WDR27: variants seen among roughly 807,000 people sequenced by gnomAD.
WDR27 encodes the protein WD repeat domain 27.
In WDR27, 100 loss-of-function variants were observed where a neutral mutation model predicts 114.4. That is an observed-to-expected ratio of 0.87 (90% CI 0.74 to 1.03). The LOEUF is 1.03. WDR27 is among the 50% of genes least tolerant of loss of function. The probability of loss-of-function intolerance (pLI) is 0.00; values close to 1 mark genes in which losing one functional copy is unlikely to be tolerated. For missense variants in WDR27, 1,129 were observed against 1,092.9 expected (o/e 1.03, Z -0.47); for synonymous variants, 449 against 423.1 (o/e 1.06, Z -0.75).
At chr6:169,552,749 A>G (rs1379131843) in intron 25 of WDR27, among the ~76,000 whole-genome samples, 1 of 152,214 alleles carries the variant, frequency 6.6e-6, no homozygotes, top group South Asian at 2.1e-4. Flanking sequence ...GGAATTTTGT[A>G]TTACCATATA....
chr6:169,654,926 GATC>G (rs1308835171), intron 13 of WDR27, among the ~76,000 whole-genome samples: 2 of 152,204 alleles, frequency 1.3e-5, no homozygotes, highest in Non-Finnish European at 2.9e-5. Flanking sequence ...GACAGTGCGG[GATC>G]ATCATCAGGT....
intron 25 of WDR27, among the ~76,000 whole-genome samples, chr6:169,554,735 C>T (rs1047149358): frequency 3.9e-5 from 6 of 152,140 alleles, no homozygotes; most frequent in African/African-American, 1.2e-4. Flanking sequence ...AAAGGGGATT[C>T]GCTGTACTTT....
In WDR27 at chr6:169,701,661, C is replaced by T. The variant is rs1002304922; in HGVS notation, c.-118G>A. The T allele has an allele frequency of 5.9e-6, 1 of 169,674 alleles. No homozygotes were observed. Among genetic ancestry groups the T allele is most frequent in the Non-Finnish European group, 1.3e-5 (1 of 78,218 alleles). 10.5% of individuals were successfully genotyped at this position (169,674 alleles called of 1,614,324 possible). A position where few individuals can be genotyped will look rare whatever the true frequency, so the allele number is the denominator to read the frequency against. ...TGTGCCCCGAATTCCCCTGGAGACC[C>T]TCGCACTAGCACGGCGTCAGGAGGA... On this transcript the variant is annotated 5_prime_UTR_variant, in exon 1 of 26. Coordinates refer to ENST00000448612, the MANE Select transcript of WDR27 (RefSeq NM_182552.5).
intron 25 of WDR27, among the ~76,000 whole-genome samples, chr6:169,458,448 T>C (rs202181912): frequency 1.4e-5 from 1 of 71,096 alleles, no homozygotes; most frequent in Non-Finnish European, 2.5e-5. Flanking sequence ...TGACCCTCCT[T>C]CAATTTTCTC....
intron 17 of WDR27, among the ~76,000 whole-genome samples, chr6:169,642,045 G>T (rs1819327540): frequency 6.6e-6 from 1 of 152,212 alleles, no homozygotes; most frequent in Non-Finnish European, 1.5e-5. Context: ...AAATACGGTT[G>T]CTCTCAGTGG....
chr6:169,526,222 T>G (rs996951251), intron 25 of WDR27, among the ~76,000 whole-genome samples: 5 of 152,200 alleles, frequency 3.3e-5, no homozygotes, highest in African/African-American at 9.7e-5. Context: ...GATCAGAGGC[T>G]TAAATGTCAC....
intron 13 of WDR27, among the ~76,000 whole-genome samples, chr6:169,652,867 T>C (rs1822974450): frequency 6.6e-6 from 1 of 152,370 alleles, no homozygotes; most frequent in Non-Finnish European, 1.5e-5. Flanking sequence ...GTACATCACA[T>C]ATGCTAGTCT....
intron 23 of WDR27, among the ~76,000 whole-genome samples, chr6:169,596,225 A>G (rs1054712646): frequency 1.1e-4 from 17 of 152,078 alleles, no homozygotes; most frequent in Non-Finnish European, 2.5e-4. Context: ...TTTTAAAAAA[A>G]TGTCCAGGGA....
intron 22 of WDR27, among the ~76,000 whole-genome samples, chr6:169,613,053 T>C (rs145996222): frequency 4.6e-5 from 7 of 152,390 alleles, no homozygotes; most frequent in Admixed American, 2.6e-4. Flanking sequence ...TAAAATGTAT[T>C]TTCAAAGTCT....
Position 169,659,612 on chromosome 6 carries a change from G to A in WDR27, c.1130-94C>T. The stretch of plus-strand genomic sequence containing the variant: ...CCCAGAGCCCACCACACACAGCCCA[G>A]AGCCCACCACACACAGTCCAGGCCC... On this transcript the variant is annotated intron_variant, in intron 10 of 25. Transcript: ENST00000448612. The surrounding 1 kb of genome is among the most constrained non-coding windows in gnomAD (Gnocchi z 4.3). 1 of 1,208,330 alleles carries A rather than the reference G, an allele frequency of 8.3e-7. No individual in the cohort carries two copies. Among genetic ancestry groups the A allele is most frequent in the Non-Finnish European group, 1.2e-6 (1 of 843,324 alleles). 74.9% of individuals were successfully genotyped at this position (1,208,330 alleles called of 1,614,324 possible).
At chr6:169,480,389 C>A (rs544397318) in intron 25 of WDR27, among the ~76,000 whole-genome samples, 2 of 152,326 alleles carry the variant, frequency 1.3e-5, no homozygotes, top group Non-Finnish European at 2.9e-5. Context: ...CTCTGCAGCA[C>A]CCGGTCCTGT....
chr6:169,667,292 G>T, intron 5 of WDR27, 105 bp from the exon 6 acceptor site: 1 of 1,274,206 alleles, frequency 7.8e-7, no homozygotes, highest in Non-Finnish European at 9.9e-7. Context: ...AACACAAATG[G>T]TTATCTAAAA....
At chr6:169,583,156 T>C (rs1264861523) in intron 23 of WDR27, among the ~76,000 whole-genome samples, 2 of 152,136 alleles carry the variant, frequency 1.3e-5, no homozygotes, top group African/African-American at 2.4e-5. Flanking sequence ...CTTAGTGAAC[T>C]TATGTCATAC....
chr6:169,686,621 T>A lies in WDR27; in HGVS notation c.189+2196A>T, dbSNP rs115322973. 3.8e-3 allele frequency among the ~76,000 whole-genome samples: 575 copies of A among 152,098 alleles called. 5 individuals are homozygous for A. Among genetic ancestry groups the A allele is most frequent in the African/African-American group, 0.013 (544 of 41,498 alleles). On this transcript the variant is annotated intron_variant, in intron 2 of 25. Transcript: ENST00000448612. ...GCAAGCAGGAGTAGCTATACTTACA[T>A]CAGATAAAACAGACATCAAGTTAAA...
chr6:169,670,293 A>C (rs1778352658), intron 4 of WDR27: 3 of 277,170 alleles, frequency 1.1e-5, no homozygotes, highest in African/African-American at 2.2e-5. Flanking sequence ...ATATCTGAGA[A>C]ATAATAGTTT....
chr6:169,546,696 G>T (rs904141868), intron 25 of WDR27, among the ~76,000 whole-genome samples: 2 of 152,174 alleles, frequency 1.3e-5, no homozygotes, highest in African/African-American at 4.8e-5. Context: ...GCAAAGCTTA[G>T]CATGGATGCA....
the WDR27 span, among the ~76,000 whole-genome samples, chr6:169,448,268 G>A: frequency 8.1e-3 from 1,233 of 151,934 alleles, 16 homozygotes; most frequent in African/African-American, 0.028. Flanking sequence ...TCATAGTAGC[G>A]TTTAGGCCAT....
At chr6:169,552,972 CGGTGTGTGTGTG>C (rs1408330404) in intron 25 of WDR27, among the ~76,000 whole-genome samples, 2 of 75,132 alleles carry the variant, frequency 2.7e-5, no homozygotes, top group Non-Finnish European at 6.0e-5. Context: ...AGGGCCTGCC[CGGTGTGTGTGTG>C]TGTGTGTGTG....
At chr6:169,617,536 C>T (rs954317146) in intron 21 of WDR27, among the ~76,000 whole-genome samples, 7 of 152,094 alleles carry the variant, frequency 4.6e-5, no homozygotes, top group South Asian at 2.1e-4. Context: ...CCACCACACC[C>T]GGCTAATTTT....
Sources: gnomAD v4.1 joint callset for allele counts (sites outside exome capture counted in the v4.1 genomes callset) on GRCh38, gnomAD v4.1.1 for gene constraint, Gnocchi (gnomAD v3.1) non-coding constraint, MANE v1.5 for transcripts, NCBI Gene and HGNC (gene_info 2026-07-23, HGNC 2026-07-21) for gene names.